Variants in MTDH observed in about 807,000 individuals in gnomAD.
MTDH encodes metadherin.
In MTDH, 34 loss-of-function variants were observed where a neutral mutation model predicts 72.7. That is an observed-to-expected ratio of 0.47 (90% CI 0.36 to 0.62). MTDH has a LOEUF of 0.62. Ranked by LOEUF, MTDH falls within the 20% of genes least tolerant of loss-of-function variation. MTDH has a pLI of 0.00. For missense variants in MTDH, 677 were observed against 699.4 expected, an observed-to-expected ratio of 0.97 and a Z score of 0.36; for synonymous variants, 266 against 268.9, an observed-to-expected ratio of 0.99 and a Z score of 0.10.
chr8:97,667,673 G>A (rs1478293517), intron 2 of MTDH, among the ~76,000 whole-genome samples: 1 of 152,096 alleles, frequency 6.6e-6, no homozygotes, highest in Non-Finnish European at 1.5e-5. Context: ...ATGATAACAT[G>A]ACTTGTTGGC....
chr8:97,718,848 C>G (rs903630937), intron 9 of MTDH, among the ~76,000 whole-genome samples: 2 of 151,538 alleles, frequency 1.3e-5, no homozygotes, highest in Admixed American at 1.3e-4. Context: ...ATGTATACAC[C>G]ACCACATGTG....
chr8:97,709,313 T>G (rs1814522484), intron 8 of MTDH, among the ~76,000 whole-genome samples: 1 of 146,666 alleles, frequency 6.8e-6, no homozygotes, highest in African/African-American at 2.6e-5. Flanking sequence ...GGTTTTAGAT[T>G]GGACCTACAA....
Position 97,644,907 on chromosome 8 carries a change from C to T in MTDH, c.381+20C>T. 1 of 1,517,138 alleles carries T rather than the reference C, an allele frequency of 6.6e-7. No individual in the cohort carries two copies. The highest frequency in any genetic ancestry group is 8.7e-7 in the Non-Finnish European group (1 of 1,143,928). The allele number at this position is 1,517,138 out of a possible 1,614,324, so 94.0% of individuals were successfully genotyped here. ...CCCAAAGTGAGTATGGGATGAGCGG[C>T]AGTAGAGAACGGGCGAAGGGCGGGC... On this transcript the variant is annotated intron_variant, in intron 1 of 11. Coordinates refer to ENST00000336273, the MANE Select transcript of MTDH (RefSeq NM_178812.4).
chr8:97,723,638 G>T (rs1268010135), intron 11 of MTDH, among the ~76,000 whole-genome samples: 1 of 150,402 alleles, frequency 6.6e-6, no homozygotes, highest in Non-Finnish European at 1.5e-5. Flanking sequence ...AGCTACTCGG[G>T]AGGCTGAGGC....
chr8:97,690,315 G>T (rs1411103843), intron 5 of MTDH, among the ~76,000 whole-genome samples: 1 of 152,106 alleles, frequency 6.6e-6, no homozygotes, highest in Non-Finnish European at 1.5e-5. Flanking sequence ...TTCAGTGCTT[G>T]TTCTTAGCAC....
intron 6 of MTDH, among the ~76,000 whole-genome samples, chr8:97,697,739 A>G (rs895675946): frequency 2.0e-5 from 3 of 152,140 alleles, no homozygotes; most frequent in Admixed American, 6.5e-5. Context: ...CTCATGGACC[A>G]TATAAAAACC....
chr8:97,683,377 CTTTGTTTTTTG>C (rs1813220144), intron 2 of MTDH, among the ~76,000 whole-genome samples: 1 of 151,592 alleles, frequency 6.6e-6, no homozygotes, highest in South Asian at 2.1e-4. Context: ...AGACACTTTT[CTTTGTTTTTTG>C]TTTGTTTGTT....
At chr8:97,693,135 C>T (rs1563550964) in intron 6 of MTDH, among the ~76,000 whole-genome samples, 1 of 152,064 alleles carries the variant, frequency 6.6e-6, no homozygotes, top group Non-Finnish European at 1.5e-5. Context: ...TAAGTATTTT[C>T]TAAGAGAGTT....
intron 7 of MTDH, among the ~76,000 whole-genome samples, chr8:97,702,696 T>G (rs1010295403): frequency 6.6e-6 from 1 of 152,032 alleles, no homozygotes; most frequent in Non-Finnish European, 1.5e-5. Flanking sequence ...AGACCAGCAA[T>G]GAGATGCTTA....
intron 6 of MTDH, among the ~76,000 whole-genome samples, chr8:97,692,138 C>T (rs1176778981): frequency 6.6e-6 from 1 of 152,198 alleles, no homozygotes; most frequent in Non-Finnish European, 1.5e-5. Context: ...GCCTCGGCCT[C>T]CCAAAGTGCT....
chr8:97,722,809 A>T (rs1815181064), intron 10 of MTDH, 70 bp from the exon 11 acceptor site: 1 of 1,471,202 alleles, frequency 6.8e-7, no homozygotes, highest in Non-Finnish European at 9.2e-7. Context: ...ACCTCTTGGT[A>T]TTACTGTGAT....
At chr8:97,650,192 G>A (rs1236072184) in intron 1 of MTDH, among the ~76,000 whole-genome samples, 5 of 150,848 alleles carry the variant, frequency 3.3e-5, no homozygotes, top group Non-Finnish European at 5.9e-5. Context: ...TCCTGACCTC[G>A]TGATCCGCCT....
intron 2 of MTDH, among the ~76,000 whole-genome samples, chr8:97,679,399 A>G (rs2468017): frequency 0.093 from 14,226 of 152,246 alleles, 931 homozygotes; most frequent in East Asian, 0.25. Context: ...TTTCTGATCT[A>G]CAGTTCAATA....
chr8:97,653,380 G>A (rs539430089), intron 1 of MTDH, among the ~76,000 whole-genome samples: 1 of 152,306 alleles, frequency 6.6e-6, no homozygotes, highest in South Asian at 2.1e-4. Context: ...AACAAATAGA[G>A]TTTTCCCAGT....
At chr8:97,718,251 C>T (rs936741930) in intron 9 of MTDH, among the ~76,000 whole-genome samples, 10 of 151,812 alleles carry the variant, frequency 6.6e-5, no homozygotes, top group Admixed American at 5.2e-4. Context: ...CCATGTTGGC[C>T]AGGCTGGTCT....
chr8:97,723,929 G>A (rs1054019106), intron 11 of MTDH, among the ~76,000 whole-genome samples: 6 of 151,906 alleles, frequency 3.9e-5, no homozygotes, highest in South Asian at 2.1e-4. Context: ...CCAACATGGC[G>A]AAACCCCGTC....
intron 7 of MTDH, among the ~76,000 whole-genome samples, chr8:97,700,614 C>T (rs1187588944): frequency 6.6e-6 from 1 of 152,208 alleles, no homozygotes; most frequent in African/African-American, 2.4e-5. Flanking sequence ...AATAAAAACA[C>T]TGGACTATGT....
intron 2 of MTDH, among the ~76,000 whole-genome samples, chr8:97,672,953 A>T (rs892566403): frequency 2.0e-5 from 3 of 152,186 alleles, no homozygotes; most frequent in African/African-American, 4.8e-5. Context: ...ACGATGGATC[A>T]TGTATACAAA....
At chr8:97,694,262 A>G (rs886498435) in intron 6 of MTDH, among the ~76,000 whole-genome samples, 2 of 150,654 alleles carry the variant, frequency 1.3e-5, no homozygotes, top group Non-Finnish European at 2.9e-5. Flanking sequence ...CAATGGCACG[A>G]TCTCGGCTCA....
Sources: gnomAD v4.1 joint callset for allele counts (sites outside exome capture counted in the v4.1 genomes callset) on GRCh38, gnomAD v4.1.1 for gene constraint, MANE v1.5 for transcripts, NCBI Gene and HGNC (gene_info 2026-07-23, HGNC 2026-07-21) for gene names.